Variants in MYLK4 observed in about 807,000 individuals in gnomAD.
MYLK4 encodes the protein caMLCK like.
In MYLK4, 46 loss-of-function variants were observed where a neutral mutation model predicts 48.1. The ratio of observed to expected loss-of-function variants is 0.96; its 90% CI spans 0.75 to 1.22. The LOEUF is 1.22. MYLK4 is among the 50% of genes most tolerant of loss of function. The pLI is 0.00. For synonymous variants in MYLK4, 170 were observed against 180.8 expected (o/e 0.94, Z 0.48); for missense variants, 451 against 486.1 (o/e 0.93, Z 0.68).
At chr6:2,695,722 C>T (rs1762034784) in intron 2 of MYLK4, among the ~76,000 whole-genome samples, 2 of 152,200 alleles carry the variant, frequency 1.3e-5, no homozygotes, top group Admixed American at 6.5e-5. Context: ...CTTTCCAGGA[C>T]AGACGCTGTA....
chr6:2,749,398 T>C lies in MYLK4; in HGVS notation c.-104A>G. On this transcript the variant is annotated 5_prime_UTR_variant, in exon 2 of 13. Transcript: ENST00000274643. ...ACAATTATGACTCTTCAGTGCTTCT[T>C]TCTCTTGACTGCAAAGAAAGGAAAC... 2.4e-6 allele frequency: 2 copies of C among 822,786 alleles called. No homozygotes were observed. Among genetic ancestry groups the C allele is most frequent in the Non-Finnish European group, 3.7e-6 (2 of 537,110 alleles). 51.0% of individuals were successfully genotyped at this position (822,786 alleles called of 1,614,324 possible). A position where few individuals can be genotyped will look rare whatever the true frequency, so the allele number is the denominator to read the frequency against.
chr6:2,754,558 C>T (rs1764377857), upstream of MYLK4, among the ~76,000 whole-genome samples: 1 of 152,076 alleles, frequency 6.6e-6, no homozygotes, highest in Non-Finnish European at 1.5e-5. Context: ...CAGAATCTTA[C>T]CCGATGATGT....
intron 2 of MYLK4, 65 bp from the exon 3 acceptor site, chr6:2,692,924 C>G (rs1299162303): frequency 7.0e-7 from 1 of 1,422,282 alleles, no homozygotes; most frequent in Admixed American, 1.8e-5. Context: ...CCTCAGCACT[C>G]CTGACACTTG....
At position 2,665,931 on chromosome 6, in the gene MYLK4, G is replaced by C. The variant is rs868501740; in HGVS notation, c.*1994C>G. ...GGGTTTTGTGTGTGTGTGTGTGTGT[G>C]GTGTGTGTGTTTTAAGCAAACTAAA... On this transcript the variant is annotated 3_prime_UTR_variant, in exon 13 of 13. Transcript: ENST00000274643. 1 of 62,592 alleles carries C rather than the reference G, an allele frequency of 1.6e-5. No homozygotes were observed. Among genetic ancestry groups the C allele is most frequent in the African/African-American group, 5.9e-5 (1 of 17,046 alleles). 3.9% of individuals were successfully genotyped at this position (62,592 alleles called of 1,614,324 possible).
In MYLK4 at chr6:2,749,281, T is replaced by C. The variant is rs1235753273; in HGVS notation, c.14A>G (p.Lys5Arg). The change falls in exon 2 of 13, where the codon AAG becomes AGG. Residue 5 changes from lysine (K) to arginine (R), a missense_variant. Lys to Arg is a conservative substitution (Grantham distance 26). Coordinates refer to ENST00000274643, the MANE Select transcript of MYLK4 (RefSeq NM_001012418.5). Reference sequence around the variant, plus strand: ...ACACGTGTTGAATTCTTCCAGCCTCTTCACTTTTAACATCTTAGTAGTGAG... The same window carrying C: ...ACACGTGTTGAATTCTTCCAGCCTCCTCACTTTTAACATCTTAGTAGTGAG... MLKV[K>R]RLEEFNTCYN... 6.2e-7 allele frequency: 1 copy of C among 1,613,606 alleles called. No individual in the cohort carries two copies. Among genetic ancestry groups the C allele is most frequent in the Non-Finnish European group, 8.5e-7 (1 of 1,179,850 alleles).
chr6:2,738,360 T>A (rs982260008), intron 2 of MYLK4, among the ~76,000 whole-genome samples: 3 of 152,220 alleles, frequency 2.0e-5, no homozygotes, highest in Admixed American at 6.5e-5. Context: ...ACAAAGTATT[T>A]TAGAGCATGC....
the MYLK4 span, among the ~76,000 whole-genome samples, chr6:2,762,186 C>T: frequency 9.9e-5 from 15 of 152,112 alleles, no homozygotes; most frequent in African/African-American, 2.9e-4. Flanking sequence ...CTGGGATTAC[C>T]GGAGTTTATA....
intron 6 of MYLK4, 95 bp from the exon 7 acceptor site, chr6:2,683,257 T>C: frequency 7.4e-7 from 1 of 1,350,564 alleles, no homozygotes; most frequent in African/African-American, 1.4e-5. Context: ...CTGCTACCTC[T>C]TCTGAAAGGT....
chr6:2,682,470 ACC>A (rs1761347779), intron 7 of MYLK4, among the ~76,000 whole-genome samples: 1 of 151,858 alleles, frequency 6.6e-6, no homozygotes, highest in Non-Finnish European at 1.5e-5. Context: ...TGGGGTGCCC[ACC>A]CCACCCTCTC....
intron 2 of MYLK4, among the ~76,000 whole-genome samples, chr6:2,699,287 CTT>C (rs56959282): frequency 9.0e-5 from 7 of 77,894 alleles, no homozygotes; most frequent in Non-Finnish European, 1.3e-4. Flanking sequence ...CTTTTCTTTT[CTT>C]TTTTTTTTTT....
At chr6:2,753,766 T>C (rs1015954856), upstream of MYLK4, among the ~76,000 whole-genome samples, 2 of 151,436 alleles carry the variant, frequency 1.3e-5, no homozygotes, top group African/African-American at 4.9e-5. Context: ...AATAAGCACA[T>C]GAAAAAAAAT....
intron 2 of MYLK4, among the ~76,000 whole-genome samples, chr6:2,695,805 A>C (rs1477935664): frequency 1.3e-5 from 2 of 152,238 alleles, no homozygotes; most frequent in Non-Finnish European, 2.9e-5. Context: ...AGTTATGCCT[A>C]GAAGTTGCTA....
At chr6:2,683,389 TTTTGTGTGTGTG>T (rs1561836766) in intron 6 of MYLK4, among the ~76,000 whole-genome samples, 1 of 102,030 alleles carries the variant, frequency 9.8e-6, no homozygotes, top group African/African-American at 4.0e-5. Context: ...CTCCCCACCT[TTTTGTGTGTGTG>T]TGTGTGTGTG....
chr6:2,708,413 A>G (rs946021111), intron 2 of MYLK4, among the ~76,000 whole-genome samples: 4 of 152,210 alleles, frequency 2.6e-5, no homozygotes, highest in African/African-American at 9.6e-5. Context: ...CAGATTTGCC[A>G]TACAATGTAA....
intron 2 of MYLK4, among the ~76,000 whole-genome samples, chr6:2,732,097 A>AGAC (rs1763497223): frequency 1.3e-5 from 2 of 152,256 alleles, no homozygotes; most frequent in Admixed American, 6.5e-5. Context: ...ATAGCCTCTA[A>AGAC]GACGTATGCT....
chr6:2,679,190 C>A, intron 9 of MYLK4, 90 bp downstream of exon 9: 1 of 1,467,266 alleles, frequency 6.8e-7, no homozygotes, highest in Non-Finnish European at 9.4e-7. Context: ...TTTTTAAATA[C>A]CCCAATTGGG....
the MYLK4 span, chr6:2,770,193 A>C: frequency 1.9e-6 from 3 of 1,614,204 alleles, no homozygotes; most frequent in Non-Finnish European, 2.5e-6. Context: ...CCTTCCTTCC[A>C]GGTCAACGCT....
chr6:2,709,476 C>G (rs1463575353), intron 2 of MYLK4, among the ~76,000 whole-genome samples: 4 of 152,192 alleles, frequency 2.6e-5, no homozygotes, highest in Non-Finnish European at 1.5e-5. Flanking sequence ...GCATAGCTCA[C>G]AAAGGAGGTT....
chr6:2,671,043 C>A (rs1303318880), intron 12 of MYLK4, among the ~76,000 whole-genome samples: 1 of 151,986 alleles, frequency 6.6e-6, no homozygotes, highest in East Asian at 1.9e-4. Flanking sequence ...GGGAGCCACT[C>A]AACAAGCTTA....
Sources: gnomAD v4.1 joint callset for allele counts (sites outside exome capture counted in the v4.1 genomes callset) on GRCh38, gnomAD v4.1.1 for gene constraint, MANE v1.5 for transcripts, NCBI Gene and HGNC (gene_info 2026-07-23, HGNC 2026-07-21) for gene names.